Variants in PRKD1 observed in about 807,000 individuals in gnomAD.
PRKD1 encodes serine/threonine-protein kinase D1.
A neutral mutation model predicts 95.9 loss-of-function variants in PRKD1; 63 were observed. The ratio of observed to expected loss-of-function variants is 0.66; its 90% CI spans 0.54 to 0.81. The LOEUF (loss-of-function observed/expected upper bound fraction) is 0.81, where lower values mean the gene tolerates loss of function less well. Among genes scored for constraint, PRKD1 ranks in the 30% least tolerant of loss-of-function variants. PRKD1 has a pLI of 0.00. For synonymous variants in PRKD1, 425 were observed against 423.1 expected (o/e 1.00, Z -0.05); for missense variants, 1,048 against 1,165.3 (o/e 0.90, Z 1.47).
chr14:29,894,523 C>A (rs1304265376), intron 1 of PRKD1, among the ~76,000 whole-genome samples: 3 of 152,160 alleles, frequency 2.0e-5, no homozygotes, highest in Admixed American at 2.0e-4. Flanking sequence ...ATGTTTTACA[C>A]TGCAGCATGA....
intron 2 of PRKD1, among the ~76,000 whole-genome samples, chr14:29,704,300 T>G (rs1884976307): frequency 6.6e-6 from 1 of 152,130 alleles, no homozygotes; most frequent in Non-Finnish European, 1.5e-5. Context: ...TAAGGGCTAC[T>G]CAATTCCTAT....
At chr14:29,609,993 T>C (rs1878341607) in intron 13 of PRKD1, among the ~76,000 whole-genome samples, 1 of 152,172 alleles carries the variant, frequency 6.6e-6, no homozygotes, top group African/African-American at 2.4e-5. Context: ...GAGTCCTCTC[T>C]TTTCCCTATA....
At chr14:29,591,349 G>C (rs1893121411) in intron 16 of PRKD1, 1 of 152,064 alleles carries the variant, frequency 6.6e-6, no homozygotes. Flanking sequence ...ATTTATAAAT[G>C]ATTTTATAAA....
intron 1 of PRKD1, among the ~76,000 whole-genome samples, chr14:29,826,010 G>GT (rs1338148373): frequency 6.6e-6 from 1 of 151,548 alleles, no homozygotes. Context: ...AAAGATACTG[G>GT]TACATGCATG....
chr14:29,638,415 C>A (rs1379102197), intron 6 of PRKD1, 74 bp downstream of exon 6: 2 of 1,545,796 alleles, frequency 1.3e-6, no homozygotes, highest in East Asian at 2.3e-5. Context: ...AAACCAAAAA[C>A]CCTGACTAAA....
chr14:29,877,062 G>A (rs1296581328), intron 1 of PRKD1, among the ~76,000 whole-genome samples: 2 of 152,192 alleles, frequency 1.3e-5, no homozygotes, highest in Non-Finnish European at 2.9e-5. Flanking sequence ...TTAGGCAGGA[G>A]AATTGCTTGA....
chr14:29,655,947 GA>G lies in PRKD1; in HGVS notation c.696+7751del, dbSNP rs202016660. Among the ~76,000 whole-genome samples, 800 of 147,366 alleles carry G rather than the reference GA, an allele frequency of 5.4e-3. 4 individuals are homozygous for G. Among genetic ancestry groups the G allele is most frequent in the African/African-American group, 0.019 (754 of 40,418 alleles). ...AAAATATATATATATATTAAAAAAA[GA>G]AAAAAAAAGAAAAGGTAAGTTCAGG... On this transcript the variant is annotated intron_variant, in intron 4 of 17. Transcript: ENST00000331968.
chr14:29,589,426 T>C (rs1356841467), intron 16 of PRKD1, among the ~76,000 whole-genome samples: 3 of 152,202 alleles, frequency 2.0e-5, no homozygotes, highest in African/African-American at 7.2e-5. Context: ...AATCATTTAC[T>C]ATATGTGTTA....
At chr14:29,819,003 G>C (rs1890801838) in intron 1 of PRKD1, among the ~76,000 whole-genome samples, 1 of 151,850 alleles carries the variant, frequency 6.6e-6, no homozygotes, top group Non-Finnish European at 1.5e-5. Flanking sequence ...TTATTAAAAG[G>C]GGGTGGGGGT....
At chr14:29,861,845 G>A (rs1892721610) in intron 1 of PRKD1, among the ~76,000 whole-genome samples, 1 of 152,026 alleles carries the variant, frequency 6.6e-6, no homozygotes, top group Non-Finnish European at 1.5e-5. Context: ...GTAGAGATGG[G>A]ATTTCACCAT....
chr14:29,883,654 T>C (rs1181170893), intron 1 of PRKD1, among the ~76,000 whole-genome samples: 2 of 152,226 alleles, frequency 1.3e-5, no homozygotes, highest in Non-Finnish European at 2.9e-5. Context: ...TTCTGAGTTA[T>C]ACTTGATGGA....
chr14:29,847,846 C>G (rs186233494), intron 1 of PRKD1, among the ~76,000 whole-genome samples: 2 of 152,236 alleles, frequency 1.3e-5, no homozygotes, highest in Non-Finnish European at 2.9e-5. Context: ...CATACACACA[C>G]ATGCATGCAT....
Position 29,577,423 on chromosome 14 carries a change from C to T in PRKD1, c.2554G>A (p.Glu852Lys). ...ATGTAGCGCTCCCCGATTTTGCATT[C>T]CAGCTCTCGCAAATCTAACCAGGTC... Reference protein sequence around the residue: ...YQTWLDLRELECKIGERYITH... With the variant: ...YQTWLDLRELKCKIGERYITH... The change falls in exon 18 of 18, where the codon GAA becomes AAA. Residue 852 changes from glutamate (E) to lysine (K), a missense_variant. Coordinates refer to ENST00000331968, the MANE Select transcript of PRKD1 (RefSeq NM_002742.3). 1 of 1,613,774 alleles carries T rather than the reference C, an allele frequency of 6.2e-7. No homozygotes were observed. The highest frequency in any genetic ancestry group is 8.5e-7 in the Non-Finnish European group (1 of 1,179,776).
intron 4 of PRKD1, among the ~76,000 whole-genome samples, chr14:29,646,190 T>A (rs1433075182): frequency 6.6e-6 from 1 of 152,006 alleles, no homozygotes; most frequent in African/African-American, 2.4e-5. Context: ...CCAAGGTGAG[T>A]CTTGCCATAC....
chr14:29,871,084 A>G (rs1439306220), intron 1 of PRKD1, among the ~76,000 whole-genome samples: 1 of 152,168 alleles, frequency 6.6e-6, no homozygotes, highest in East Asian at 1.9e-4. Flanking sequence ...TCTGCCCAGG[A>G]TGTTTTGCCA....
At chr14:29,855,416 T>G (rs959939835) in intron 1 of PRKD1, among the ~76,000 whole-genome samples, 7 of 152,320 alleles carry the variant, frequency 4.6e-5, no homozygotes, top group Admixed American at 3.9e-4. Flanking sequence ...CATGGGGTCT[T>G]TAGCCCCTTT....
intron 1 of PRKD1, among the ~76,000 whole-genome samples, chr14:29,896,192 A>G (rs552731202): frequency 2.6e-5 from 4 of 152,322 alleles, no homozygotes; most frequent in African/African-American, 7.2e-5. Flanking sequence ...AATTATCAAC[A>G]TTATTTAGAT....
intron 4 of PRKD1, among the ~76,000 whole-genome samples, chr14:29,661,475 TC>T (rs1882186051): frequency 6.6e-6 from 1 of 152,110 alleles, no homozygotes; most frequent in Non-Finnish European, 1.5e-5. Flanking sequence ...GGCATGGTAC[TC>T]CCCGTGTGCC....
At chr14:29,828,988 C>G (rs1891301487) in intron 1 of PRKD1, among the ~76,000 whole-genome samples, 1 of 152,170 alleles carries the variant, frequency 6.6e-6, no homozygotes, top group Admixed American at 6.5e-5. Context: ...TCTTGGGAAG[C>G]TTTCTCTTAG....
Sources: gnomAD v4.1 joint callset for allele counts (sites outside exome capture counted in the v4.1 genomes callset) on GRCh38, gnomAD v4.1.1 for gene constraint, MANE v1.5 for transcripts, NCBI Gene and HGNC (gene_info 2026-07-23, HGNC 2026-07-21) for gene names.